The following FGGY variants were observed in gnomAD, a reference collection of about 807,000 sequenced individuals.
FGGY encodes the protein FGGY carbohydrate kinase domain containing.
FGGY carries 72 observed loss-of-function variants against 71.3 expected under a neutral mutation model. The observed-to-expected ratio is 1.01, with a 90% CI of 0.84 to 1.23. FGGY has a LOEUF of 1.23. Ranked by LOEUF, FGGY falls within the 50% of genes most tolerant of loss-of-function variation. The pLI is 0.00. For synonymous variants in FGGY, 251 were observed against 250.3 expected, an observed-to-expected ratio of 1.00 and a Z score of -0.02; for missense variants, 668 against 682.3, an observed-to-expected ratio of 0.98 and a Z score of 0.23.
At chr1:59,608,800 G>A (rs1332922947) in intron 9 of FGGY, among the ~76,000 whole-genome samples, 1 of 152,062 alleles carries the variant, frequency 6.6e-6, no homozygotes, top group African/African-American at 2.4e-5. Context: ...ATGCAACACT[G>A]CACTTCAGCC....
At chr1:59,634,217 CAACATAGTGA>C (rs1478066499) in intron 10 of FGGY, among the ~76,000 whole-genome samples, 1 of 151,992 alleles carries the variant, frequency 6.6e-6, no homozygotes, top group Admixed American at 6.6e-5. Flanking sequence ...CCATCCTGGC[CAACATAGTGA>C]AACCCCATCT....
intron 5 of FGGY, among the ~76,000 whole-genome samples, chr1:59,385,105 T>A (rs1275789792): frequency 6.6e-6 from 1 of 152,182 alleles, no homozygotes; most frequent in Non-Finnish European, 1.5e-5. Flanking sequence ...TTCAAACTTG[T>A]TTTTGGCAAT....
At chr1:59,748,154 C>A (rs2098215670) in intron 14 of FGGY, among the ~76,000 whole-genome samples, 1 of 151,720 alleles carries the variant, frequency 6.6e-6, no homozygotes, top group South Asian at 2.1e-4. Context: ...CTGCTAAAAG[C>A]TAGGGATACT....
intron 7 of FGGY, among the ~76,000 whole-genome samples, chr1:59,513,394 C>T (rs937658677): frequency 7.9e-5 from 12 of 152,162 alleles, no homozygotes; most frequent in Non-Finnish European, 2.9e-5. Flanking sequence ...CATACTCTGC[C>T]CATGCATTTA....
intron 5 of FGGY, among the ~76,000 whole-genome samples, chr1:59,418,876 T>G (rs1376041644): frequency 6.6e-6 from 1 of 152,184 alleles, no homozygotes; most frequent in Non-Finnish European, 1.5e-5. Context: ...ATGGCTGTGT[T>G]CTAATGGAAC....
chr1:59,623,623 G>A (rs1222240941), intron 9 of FGGY, among the ~76,000 whole-genome samples: 1 of 152,006 alleles, frequency 6.6e-6, no homozygotes, highest in Non-Finnish European at 1.5e-5. Context: ...CTACTAACCA[G>A]CCTCCTTTCT....
At chr1:59,738,471 C>A (rs1018466797) in intron 14 of FGGY, among the ~76,000 whole-genome samples, 3 of 152,148 alleles carry the variant, frequency 2.0e-5, no homozygotes, top group African/African-American at 7.2e-5. Flanking sequence ...GGGAAAAAAA[C>A]CATGATCCAA....
chr1:59,531,463 C>T (rs2095141457), intron 7 of FGGY, among the ~76,000 whole-genome samples: 1 of 152,090 alleles, frequency 6.6e-6, no homozygotes, highest in African/African-American at 2.4e-5. Context: ...TTAAATGTAT[C>T]CACATATTCA....
intron 8 of FGGY, among the ~76,000 whole-genome samples, chr1:59,580,755 T>C (rs747515034): frequency 2.6e-5 from 4 of 152,166 alleles, no homozygotes; most frequent in Non-Finnish European, 5.9e-5. Context: ...TTTTCATTTC[T>C]CCTTCTTTTT....
At chr1:59,504,910 C>T (rs2094337574) in intron 6 of FGGY, among the ~76,000 whole-genome samples, 1 of 152,136 alleles carries the variant, frequency 6.6e-6, no homozygotes, top group Non-Finnish European at 1.5e-5. Flanking sequence ...ATGAACATTG[C>T]TGAGAACTTA....
intron 8 of FGGY, among the ~76,000 whole-genome samples, chr1:59,567,379 G>T (rs1403183923): frequency 2.0e-5 from 3 of 152,148 alleles, no homozygotes; most frequent in Non-Finnish European, 4.4e-5. Context: ...TTGCCAATTT[G>T]TATTTGGGCT....
At chr1:59,712,319 C>G (rs571147575) in intron 14 of FGGY, among the ~76,000 whole-genome samples, 1 of 152,344 alleles carries the variant, frequency 6.6e-6, no homozygotes, top group South Asian at 2.1e-4. Context: ...CCCAGCTGCC[C>G]TCACAAGCTG....
At chr1:59,501,011 G>A (rs561219359) in intron 6 of FGGY, among the ~76,000 whole-genome samples, 39 of 152,194 alleles carry the variant, frequency 2.6e-4, no homozygotes, top group Non-Finnish European at 4.9e-4. Flanking sequence ...ATCACCAGAA[G>A]ACATTTGGCA....
intron 14 of FGGY, among the ~76,000 whole-genome samples, chr1:59,701,692 A>ATGTC (rs1269309782): frequency 6.6e-6 from 1 of 152,054 alleles, no homozygotes; most frequent in Non-Finnish European, 1.5e-5. Context: ...AGGCGAGTAT[A>ATGTC]TGTCTGTATG....
intron 5 of FGGY, among the ~76,000 whole-genome samples, chr1:59,393,600 C>A (rs1452308745): frequency 6.6e-6 from 1 of 152,020 alleles, no homozygotes; most frequent in Non-Finnish European, 1.5e-5. Context: ...TCTCTCCCTT[C>A]TCTCTTACTT....
At chr1:59,603,052 G>C (rs976518289) in intron 8 of FGGY, among the ~76,000 whole-genome samples, 1 of 152,072 alleles carries the variant, frequency 6.6e-6, no homozygotes, top group Non-Finnish European at 1.5e-5. Flanking sequence ...ATTTATATCA[G>C]ACACAAAGAG....
At chr1:59,469,267 A>C (rs1304965735) in intron 6 of FGGY, among the ~76,000 whole-genome samples, 1 of 152,242 alleles carries the variant, frequency 6.6e-6, no homozygotes, top group African/African-American at 2.4e-5. Flanking sequence ...ATTTATAATC[A>C]GCAGAGATTA....
chr1:59,568,468 G>T (rs1177723948), intron 8 of FGGY, among the ~76,000 whole-genome samples: 1 of 133,064 alleles, frequency 7.5e-6, no homozygotes, highest in Non-Finnish European at 1.6e-5. Flanking sequence ...GGGGGGCGGG[G>T]GGGGGTGTTC....
chr1:59,686,621 T>G (rs1346815476), intron 14 of FGGY, among the ~76,000 whole-genome samples: 1 of 152,202 alleles, frequency 6.6e-6, no homozygotes, highest in African/African-American at 2.4e-5. Context: ...AACTTAATGC[T>G]CACAGAGTGT....
Sources: gnomAD v4.1 joint callset for allele counts (sites outside exome capture counted in the v4.1 genomes callset) on GRCh38, gnomAD v4.1.1 for gene constraint, MANE v1.5 for transcripts, NCBI Gene and HGNC (gene_info 2026-07-23, HGNC 2026-07-21) for gene names.